Variants in SGCE observed in about 807,000 individuals in gnomAD.
SGCE encodes epsilon-sarcoglycan.
A neutral mutation model predicts 57.8 loss-of-function variants in SGCE; 26 were observed. The observed-to-expected ratio is 0.45, with a 90% CI of 0.33 to 0.62. The LOEUF (loss-of-function observed/expected upper bound fraction) is 0.62. Among genes scored for constraint, SGCE ranks in the 20% least tolerant of loss-of-function variants. The pLI is 0.02. For synonymous variants in SGCE, 183 were observed against 189.5 expected, an observed-to-expected ratio of 0.97 and a Z score of 0.28; for missense variants, 468 against 548.6, an observed-to-expected ratio of 0.85 and a Z score of 1.47.
chr7:94,599,686 A>T lies in SGCE; in HGVS notation c.1064+11T>A. The T allele has an allele frequency of 6.2e-7, 1 of 1,609,356 alleles. No homozygotes were observed. Among genetic ancestry groups the T allele is most frequent in the Non-Finnish European group, 8.5e-7 (1 of 1,175,818 alleles). On this transcript the variant is annotated intron_variant, in intron 8 of 10. Coordinates refer to ENST00000648936, the MANE Select transcript of SGCE (RefSeq NM_003919.3). ...AATGATGAAGAAAATAACAGGAAAG[A>T]AGACACTTACTCTGGTGTTTGCATG...
At chr7:94,607,642 G>A in intron 5 of SGCE, among the ~76,000 whole-genome samples, 1 of 152,070 alleles carries the variant, frequency 6.6e-6, no homozygotes, top group African/African-American at 2.4e-5. Context: ...GAATAGAGGG[G>A]AATTTCCTCA....
chr7:94,623,256 T>C, intron 4 of SGCE, 69 bp downstream of exon 4: 1 of 948,728 alleles, frequency 1.1e-6, no homozygotes, highest in Non-Finnish European at 1.6e-6. Context: ...GACTATATTT[T>C]ATGTAGTTAT....
intron 5 of SGCE, among the ~76,000 whole-genome samples, chr7:94,608,567 A>G (rs1800519353): frequency 6.6e-6 from 1 of 152,228 alleles, no homozygotes; most frequent in African/African-American, 2.4e-5. Flanking sequence ...ATATTAACAA[A>G]CTTATTCTAA....
chr7:94,601,470 A>AAAAAAAAAAAAAT (rs1562807733), intron 6 of SGCE, among the ~76,000 whole-genome samples: 1 of 130,092 alleles, frequency 7.7e-6, no homozygotes, highest in African/African-American at 2.7e-5. Context: ...AAAAAAAAAA[A>AAAAAAAAAAAAAT]AAAAAACTAC....
At chr7:94,638,613 A>C (rs1805937911) in intron 1 of SGCE, among the ~76,000 whole-genome samples, 1 of 151,590 alleles carries the variant, frequency 6.6e-6, no homozygotes, top group African/African-American at 2.4e-5. Flanking sequence ...CATGTAGTTA[A>C]TATTCTGTGT....
chr7:94,656,120 C>A lies in SGCE; in HGVS notation c.-22G>T, dbSNP rs745436141. ...GCATTCTTGGCCTGGCTAGGCCGTC[C>A]GTCCTCGATTCTCCCCTCCCCTCCC... On this transcript the variant is annotated 5_prime_UTR_variant, in exon 1 of 11. Transcript: ENST00000648936. 31 of 1,401,774 alleles carry A rather than the reference C, an allele frequency of 2.2e-5. No individual in the cohort carries two copies. Among genetic ancestry groups the A allele is most frequent in the Non-Finnish European group, 4.1e-6 (4 of 986,926 alleles). 86.8% of individuals were successfully genotyped at this position (1,401,774 alleles called of 1,614,324 possible). A position where few individuals can be genotyped will look rare whatever the true frequency, so the allele number is the denominator to read the frequency against.
Position 94,598,889 on chromosome 7 carries a change from ATC to A in SGCE, c.1137_1138del (p.Glu379AspfsTer28). 1 of 1,613,048 alleles carries A rather than the reference ATC, an allele frequency of 6.2e-7. No individual in the cohort carries two copies. ...AGGAAGCGTTGACAGGGGCCATGCT[ATC>A]TCTCTATTCTTGGACATGTCTCGAA... On this transcript the variant is annotated frameshift_variant, in exon 9 of 11. Coordinates refer to ENST00000648936, the MANE Select transcript of SGCE (RefSeq NM_003919.3). LOFTEE classifies it high-confidence loss of function.
At position 94,585,266 on chromosome 7, in the gene SGCE, T is replaced by C; in HGVS notation, c.*233A>G. The C allele has an allele frequency of 2.2e-6, 1 of 460,420 alleles. No individual in the cohort carries two copies. Among genetic ancestry groups the C allele is most frequent in the Non-Finnish European group, 3.9e-6 (1 of 258,296 alleles). 28.5% of individuals were successfully genotyped at this position (460,420 alleles called of 1,614,324 possible). A position where few individuals can be genotyped will look rare whatever the true frequency, so the allele number is the denominator to read the frequency against. On this transcript the variant is annotated 3_prime_UTR_variant, in exon 11 of 11. Transcript: ENST00000648936. ...TATTTATTTTAAAGATCAACTTTTA[T>C]TGTAACAAATATAAAGTCATCAATG...
chr7:94,623,868 A>C (rs1039718289), intron 3 of SGCE: 1 of 356,204 alleles, frequency 2.8e-6, no homozygotes, highest in Non-Finnish European at 5.0e-6. Context: ...CAGTCAAAAA[A>C]TGTCATAAAT....
intron 5 of SGCE, among the ~76,000 whole-genome samples, chr7:94,612,279 C>T (rs748487643): frequency 7.9e-5 from 12 of 151,832 alleles, no homozygotes; most frequent in East Asian, 3.9e-4. Flanking sequence ...ATTATAAAAC[C>T]AGTATAAAAA....
chr7:94,588,980 A>G (rs2116571183), intron 9 of SGCE: 1 of 509,068 alleles, frequency 2.0e-6, no homozygotes, highest in South Asian at 2.1e-5. Flanking sequence ...ACCTCACAAC[A>G]ACCCTAAGAG....
chr7:94,603,667 A>T (rs1289144681), intron 5 of SGCE, among the ~76,000 whole-genome samples: 1 of 152,152 alleles, frequency 6.6e-6, no homozygotes, highest in African/African-American at 2.4e-5. Context: ...GCTTTGGTAT[A>T]CCAGATACTC....
At chr7:94,588,560 T>C in intron 10 of SGCE, 129 bp downstream of exon 10, 1 of 1,521,432 alleles carries the variant, frequency 6.6e-7, no homozygotes, top group Admixed American at 2.0e-5. Context: ...TTAAGTCTGA[T>C]TAAGGAATGA....
intron 4 of SGCE, chr7:94,622,683 T>C (rs1348666918): frequency 4.0e-5 from 6 of 151,734 alleles, no homozygotes; most frequent in African/African-American, 1.5e-4. Context: ...ATTTTCCCAA[T>C]TGATTAAAAT....
At chr7:94,617,116 C>T (rs1468134996) in intron 5 of SGCE, 1 of 152,154 alleles carries the variant, frequency 6.6e-6, no homozygotes, top group Non-Finnish European at 1.5e-5. Flanking sequence ...GAGTCACATG[C>T]TCAGGCCCAG....
At chr7:94,592,260 A>G (rs892386924) in intron 9 of SGCE, among the ~76,000 whole-genome samples, 1 of 152,214 alleles carries the variant, frequency 6.6e-6, no homozygotes, top group Admixed American at 6.5e-5. Flanking sequence ...TGCTTCAGGC[A>G]TACTGGAAAA....
At chr7:94,620,675 T>A (rs1052419028) in intron 4 of SGCE, 2 of 152,230 alleles carry the variant, frequency 1.3e-5, no homozygotes, top group African/African-American at 4.8e-5. Flanking sequence ...TCTTAAAAAG[T>A]ATCTAAAACT....
chr7:94,598,876 C>T lies in SGCE; in HGVS notation c.1152G>A (p.Leu384=). 1 of 1,613,418 alleles carries T rather than the reference C, an allele frequency of 6.2e-7. No homozygotes were observed. Among genetic ancestry groups the T allele is most frequent in the South Asian group, 1.1e-5 (1 of 91,072 alleles). Reference sequence around the variant, plus strand: ...CAGGGTGGAACACAGGAAGCGTTGACAGGGGCCATGCTATCTCTCTATTCT... The same window carrying T: ...CAGGGTGGAACACAGGAAGCGTTGATAGGGGCCATGCTATCTCTCTATTCT... ...MSKNREIAWP[L]STLPVFHPVT... The change falls in exon 9 of 11, where the codon CTG becomes CTA. Residue 384 remains leucine, a synonymous_variant. Coordinates refer to ENST00000648936, the MANE Select transcript of SGCE (RefSeq NM_003919.3).
chr7:94,627,009 T>A (rs1194190797), intron 3 of SGCE: 1 of 152,076 alleles, frequency 6.6e-6, no homozygotes, highest in Non-Finnish European at 1.5e-5. Flanking sequence ...ATTTCTTTTA[T>A]AACTTTTACT....
Sources: gnomAD v4.1 joint callset for allele counts (sites outside exome capture counted in the v4.1 genomes callset) on GRCh38, gnomAD v4.1.1 for gene constraint, MANE v1.5 for transcripts, NCBI Gene and HGNC (gene_info 2026-07-23, HGNC 2026-07-21) for gene names.